The following ZNF638 variants were observed in gnomAD, a reference collection of about 807,000 sequenced individuals.
The protein encoded by ZNF638 is zinc finger protein 638, also known as CTCL tumor antigen se33-1.
A neutral mutation model predicts 195.6 loss-of-function variants in ZNF638; 46 were observed. The observed-to-expected ratio is 0.24, with a 90% CI of 0.19 to 0.30. ZNF638 has a LOEUF of 0.30. ZNF638 is among the 10% of genes least tolerant of loss of function. The pLI is 1.00. For missense variants in ZNF638, 2,440 were observed against 2,325.3 expected, an observed-to-expected ratio of 1.05 and a Z score of -1.01; for synonymous variants, 845 against 772.0, an observed-to-expected ratio of 1.09 and a Z score of -1.57.
At chr2:71,407,882 C>G (rs1294456933) in intron 19 of ZNF638, 1 of 335,068 alleles carries the variant, frequency 3.0e-6, no homozygotes, top group Non-Finnish European at 5.4e-6. Context: ...AGTAATAATT[C>G]TGTTTTACGC....
At chr2:71,364,997 C>T (rs941503183) in intron 5 of ZNF638, among the ~76,000 whole-genome samples, 4 of 152,108 alleles carry the variant, frequency 2.6e-5, no homozygotes, top group African/African-American at 9.7e-5. Flanking sequence ...TAGTGCTACA[C>T]ATTTCACTAA....
intron 10 of ZNF638, chr2:71,388,813 A>G (rs1204689847): frequency 1.5e-5 from 11 of 757,464 alleles, no homozygotes; most frequent in Non-Finnish European, 2.3e-5. Context: ...TCCGCACAAC[A>G]GAAACAGTAT....
chr2:71,431,488 G>A (rs542065594), intron 26 of ZNF638, 60 bp downstream of exon 26: 35 of 1,474,030 alleles, frequency 2.4e-5, no homozygotes, highest in Admixed American at 1.3e-4. Flanking sequence ...GGCCGGGCGC[G>A]GTGGCTCAAG....
At chr2:71,388,649 G>C (rs2079699779) in intron 10 of ZNF638, 1 of 878,572 alleles carries the variant, frequency 1.1e-6, no homozygotes, top group Admixed American at 1.7e-5. Context: ...TCAGCAGCTG[G>C]TGCCCCTCGT....
At chr2:71,406,723 G>C (rs1013739357) in intron 19 of ZNF638, among the ~76,000 whole-genome samples, 11 of 152,168 alleles carry the variant, frequency 7.2e-5, no homozygotes, top group South Asian at 6.2e-4. Context: ...ATAATTGCTG[G>C]ATGCAGTGGC....
chr2:71,421,666 C>T (rs1212019236), intron 21 of ZNF638, among the ~76,000 whole-genome samples: 1 of 152,164 alleles, frequency 6.6e-6, no homozygotes, highest in Non-Finnish European at 1.5e-5. Context: ...ATGGCTCATC[C>T]TCTCCTTCCT....
At position 71,380,437 on chromosome 2, in the gene ZNF638, T is replaced by G. The variant is rs187070119; in HGVS notation, c.2325-76T>G. 1,016 of 1,365,158 alleles carry G rather than the reference T, an allele frequency of 7.4e-4. 13 individuals carry two copies. The South Asian group carries it at 0.012, about 16-fold the overall frequency. The allele number at this position is 1,365,158 out of a possible 1,614,324, so 84.6% of individuals were successfully genotyped here. A position where few individuals can be genotyped will look rare whatever the true frequency, so the allele number is the denominator to read the frequency against. On this transcript the variant is annotated intron_variant, in intron 9 of 27. Coordinates refer to ENST00000264447, the MANE Select transcript of ZNF638 (RefSeq NM_014497.5). Reference sequence around the variant, plus strand: ...GAATTATTTTAAACGTTTTTAGGTTTAAATATTACATTTTTAGGATTTTGT... The same window carrying G: ...GAATTATTTTAAACGTTTTTAGGTTGAAATATTACATTTTTAGGATTTTGT...
chr2:71,431,293 T>C (rs1297415739), intron 25 of ZNF638, 34 bp from the exon 26 acceptor site: 9 of 1,569,214 alleles, frequency 5.7e-6, no homozygotes, highest in Admixed American at 1.7e-5. Context: ...TGTAAATCTA[T>C]TCTGAATAGC....
At position 71,363,986 on chromosome 2, in the gene ZNF638, C is replaced by G. The variant is rs866236977; in HGVS notation, c.1451C>G (p.Pro484Arg). The G allele has an allele frequency of 6.2e-7, 1 of 1,613,792 alleles. No homozygotes were observed. Among genetic ancestry groups the G allele is most frequent in the Non-Finnish European group, 8.5e-7 (1 of 1,179,892 alleles). Residue 484 changes from proline to arginine, a missense_variant, in exon 5 of 28, where the codon CCA becomes CGA. By Grantham distance (103) the Pro-to-Arg change is moderately radical. This residue lies in a region of ZNF638 where 1,883 missense variants were observed against 1,739.1 expected (regional missense o/e 1.08). Coordinates refer to ENST00000264447, the MANE Select transcript of ZNF638 (RefSeq NM_014497.5). Reference protein sequence around the residue: ...NEGNRKENETPRRRSHSPSPR... With the variant: ...NEGNRKENETRRRRSHSPSPR... ...GGCAATAGAAAAGAAAATGAAACTCCACGAAGACGTTCTCATTCCCCCAGT... is the reference window on the plus strand; with the variant it reads ...GGCAATAGAAAAGAAAATGAAACTCGACGAAGACGTTCTCATTCCCCCAGT...
chr2:71,434,872 T>A lies in ZNF638; in HGVS notation c.*65T>A, dbSNP rs2080735213. On this transcript the variant is annotated 3_prime_UTR_variant, in exon 28 of 28. Transcript: ENST00000264447. ...GTCCAGTTGATTTGTGTATTTTTGT[T>A]ATCATTTAATTTGTAATTTTCGTTT... is the stretch of plus-strand genomic sequence containing the variant. The A allele has an allele frequency of 7.1e-7, 1 of 1,401,358 alleles. No homozygotes were observed. Among genetic ancestry groups the A allele is most frequent in the East Asian group, 2.3e-5 (1 of 42,822 alleles). 86.8% of individuals were successfully genotyped at this position (1,401,358 alleles called of 1,614,324 possible).
At chr2:71,422,324 AT>A (rs897566366) in intron 21 of ZNF638, among the ~76,000 whole-genome samples, 2 of 152,120 alleles carry the variant, frequency 1.3e-5, no homozygotes, top group Admixed American at 1.3e-4. Flanking sequence ...AGGTGATATG[AT>A]TTAGAGTATG....
At chr2:71,361,345 A>G (rs1332316842) in intron 3 of ZNF638, among the ~76,000 whole-genome samples, 1 of 152,230 alleles carries the variant, frequency 6.6e-6, no homozygotes, top group Non-Finnish European at 1.5e-5. Context: ...TGTGTTGTTA[A>G]TCACCTTCAT....
At position 71,333,385 on chromosome 2, in the gene ZNF638, C is replaced by T. The variant is rs368840364; in HGVS notation, c.-203+1510C>T. ...TTGGAAGAAATCACAAAATCTTATT[C>T]GTTTTTATTAACTAGTTTTCATAAT... On this transcript the variant is annotated intron_variant, in intron 1 of 27. Coordinates refer to ENST00000264447, the MANE Select transcript of ZNF638 (RefSeq NM_014497.5). Among the ~76,000 whole-genome samples the T allele has an allele frequency of 4.6e-5, 7 of 152,046 alleles. No homozygotes were observed. The South Asian group carries it at 8.3e-4, about 18-fold the overall frequency.
chr2:71,411,117 C>G (rs2080211375), intron 20 of ZNF638, among the ~76,000 whole-genome samples: 1 of 151,012 alleles, frequency 6.6e-6, no homozygotes, highest in African/African-American at 2.4e-5. Context: ...CCTGCCTCAG[C>G]CTTCCGAGTA....
chr2:71,395,180 C>A (rs1056982604), intron 10 of ZNF638: 5 of 715,834 alleles, frequency 7.0e-6, no homozygotes, highest in Non-Finnish European at 7.8e-6. Context: ...TAGACCCTCA[C>A]TCCTTGATTG....
chr2:71,408,784 G>GT (rs1350485782), intron 20 of ZNF638: 4 of 425,740 alleles, frequency 9.4e-6, no homozygotes, highest in Non-Finnish European at 1.4e-5. Context: ...TCAGAGGTAA[G>GT]TAATAGGACC....
intron 10 of ZNF638, chr2:71,388,598 CT>C: frequency 1.3e-6 from 1 of 785,590 alleles, no homozygotes. Flanking sequence ...TGTCTGCGTA[CT>C]TTTTTCATCC....
rs2080703457 is a variant in ZNF638, at chr2:71,433,302, A to T, written c.5871+19A>T. ...TACTGAGGTAATTTTAAAAATTCTT[A>T]CAAAATCTTGAGGTGTTGTTATTGT... On this transcript the variant is annotated intron_variant, in intron 27 of 27. Transcript: ENST00000264447. 6.4e-7 allele frequency: 1 copy of T among 1,550,704 alleles called. No homozygotes were observed. Among genetic ancestry groups the T allele is most frequent in the East Asian group, 2.2e-5 (1 of 44,562 alleles).
Position 71,365,465 on chromosome 2 carries a change from C to T in ZNF638, c.1754C>T (p.Ser585Phe), listed in dbSNP as rs183097207. ...KKALEDVVQRSGHGTEFNKQK... is the reference protein window; with the variant it reads ...KKALEDVVQRFGHGTEFNKQK... The stretch of plus-strand genomic sequence containing the variant: ...GCATTAGAAGATGTAGTACAACGAT[C>T]TGGGCATGGGACAGAATTTAATAAA... Residue 585 changes from serine to phenylalanine, a missense_variant, in exon 6 of 28, where the codon TCT becomes TTT. By Grantham distance (155) the Ser-to-Phe change is radical (BLOSUM62 -2). Transcript: ENST00000264447. 25 of 1,612,084 alleles carry T rather than the reference C, an allele frequency of 1.6e-5. No individual in the cohort carries two copies. The East Asian group carries it at 5.1e-4, about 33-fold the overall frequency.
Sources: gnomAD v4.1 joint callset for allele counts (sites outside exome capture counted in the v4.1 genomes callset) on GRCh38, gnomAD v4.1.1 for gene constraint, gnomAD v4.1.1 regional missense constraint, MANE v1.5 for transcripts, NCBI Gene and HGNC (gene_info 2026-07-23, HGNC 2026-07-21) for gene names.